KCTD8: variants seen among roughly 807,000 people sequenced by gnomAD.
KCTD8 encodes potassium channel tetramerization domain containing 8.
A neutral mutation model predicts 31.5 loss-of-function variants in KCTD8; 27 were observed. That is an observed-to-expected ratio of 0.86 (90% CI 0.63 to 1.18). KCTD8 has a LOEUF of 1.18. Among genes scored for constraint, KCTD8 ranks in the 50% most tolerant of loss-of-function variants. The probability of loss-of-function intolerance (pLI) is 0.00; values close to 1 mark genes in which losing one functional copy is unlikely to be tolerated. For synonymous variants in KCTD8, 290 were observed against 280.0 expected, an observed-to-expected ratio of 1.04 and a Z score of -0.36; for missense variants, 658 against 647.7, an observed-to-expected ratio of 1.02 and a Z score of -0.17.
intron 1 of KCTD8, among the ~76,000 whole-genome samples, chr4:44,411,377 CAAAA>C (rs781705203): frequency 3.9e-5 from 2 of 50,724 alleles, no homozygotes; most frequent in East Asian, 6.4e-4. Context: ...GAGCCTGTCT[CAAAA>C]AAAAAAAAAA....
chr4:44,329,094 A>G (rs548587500), intron 1 of KCTD8, among the ~76,000 whole-genome samples: 38 of 151,868 alleles, frequency 2.5e-4, no homozygotes, highest in Non-Finnish European at 4.0e-4. Context: ...ATTACATCAA[A>G]GAAGTAAATA....
chr4:44,267,422 A>C (rs1346833008), intron 1 of KCTD8, among the ~76,000 whole-genome samples: 1 of 152,178 alleles, frequency 6.6e-6, no homozygotes, highest in Non-Finnish European at 1.5e-5. Flanking sequence ...TATAGCACTA[A>C]ATGCCCACAA....
intron 1 of KCTD8, among the ~76,000 whole-genome samples, chr4:44,351,774 G>C (rs996044227): frequency 6.6e-6 from 1 of 151,970 alleles, no homozygotes; most frequent in African/African-American, 2.4e-5. Flanking sequence ...TCCCTGCCTA[G>C]AACACTGCTG....
At chr4:44,387,176 A>G (rs761970368) in intron 1 of KCTD8, among the ~76,000 whole-genome samples, 26 of 151,778 alleles carry the variant, frequency 1.7e-4, no homozygotes, top group Non-Finnish European at 2.9e-4. Context: ...GGGAGGTGAA[A>G]GATCTCTACA....
At chr4:44,181,686 G>A (rs1003208126) in intron 1 of KCTD8, among the ~76,000 whole-genome samples, 1 of 152,150 alleles carries the variant, frequency 6.6e-6, no homozygotes, top group Non-Finnish European at 1.5e-5. Context: ...GGGAAGTGAG[G>A]ACCCTCTCTG....
intron 1 of KCTD8, among the ~76,000 whole-genome samples, chr4:44,421,823 T>C (rs1233379358): frequency 1.3e-5 from 2 of 152,094 alleles, no homozygotes; most frequent in African/African-American, 4.8e-5. Context: ...GAGCTACTAT[T>C]GGGAGTAAGC....
chr4:44,373,225 G>A (rs2109437595), intron 1 of KCTD8, among the ~76,000 whole-genome samples: 1 of 152,198 alleles, frequency 6.6e-6, no homozygotes, highest in Non-Finnish European at 1.5e-5. Flanking sequence ...GCCAGGTGTG[G>A]TGGTGCATGC....
chr4:44,446,523 AG>A (rs1281238185), intron 1 of KCTD8, among the ~76,000 whole-genome samples: 1 of 152,038 alleles, frequency 6.6e-6, no homozygotes, highest in Non-Finnish European at 1.5e-5. Context: ...TGCCCACCAC[AG>A]CCCCACCCCA....
At chr4:44,440,948 T>C (rs1205496315) in intron 1 of KCTD8, among the ~76,000 whole-genome samples, 1 of 152,164 alleles carries the variant, frequency 6.6e-6, no homozygotes, top group Non-Finnish European at 1.5e-5. Context: ...ATAAATGATA[T>C]ACACTCAGCA....
At chr4:44,221,347 A>ATG (rs35222595) in intron 1 of KCTD8, among the ~76,000 whole-genome samples, 41,273 of 148,176 alleles carry the variant, frequency 0.28, 5,653 homozygotes, top group South Asian at 0.33. Flanking sequence ...GTGTGTGTGC[A>ATG]TGTGTGTGTG....
intron 1 of KCTD8, among the ~76,000 whole-genome samples, chr4:44,328,780 G>C (rs1337813771): frequency 6.6e-6 from 1 of 151,764 alleles, no homozygotes; most frequent in Non-Finnish European, 1.5e-5. Context: ...AGTAATTTTG[G>C]AAAATCCATT....
chr4:44,332,873 A>T (rs1718626223), intron 1 of KCTD8, among the ~76,000 whole-genome samples: 1 of 151,710 alleles, frequency 6.6e-6, no homozygotes, highest in Admixed American at 6.6e-5. Context: ...CTCAACTCTG[A>T]CTCTGTTGAT....
chr4:44,253,390 C>T (rs1355997589), intron 1 of KCTD8, among the ~76,000 whole-genome samples: 1 of 151,668 alleles, frequency 6.6e-6, no homozygotes, highest in Non-Finnish European at 1.5e-5. Context: ...GCATTTGTCT[C>T]TGGTGGATTA....
At chr4:44,180,723 T>C (rs1300018371) in intron 1 of KCTD8, among the ~76,000 whole-genome samples, 1 of 152,194 alleles carries the variant, frequency 6.6e-6, no homozygotes, top group Non-Finnish European at 1.5e-5. Context: ...GCAAGAACTT[T>C]GTGTTGGTCA....
At chr4:44,436,708 T>C (rs985797070) in intron 1 of KCTD8, among the ~76,000 whole-genome samples, 2 of 152,234 alleles carry the variant, frequency 1.3e-5, no homozygotes, top group Non-Finnish European at 2.9e-5. Flanking sequence ...TTGGTTATTG[T>C]TGAAATTAGG....
At chr4:44,345,998 T>C (rs765676843) in intron 1 of KCTD8, among the ~76,000 whole-genome samples, 2 of 152,108 alleles carry the variant, frequency 1.3e-5, no homozygotes, top group Non-Finnish European at 2.9e-5. Context: ...GTACTAGAGA[T>C]TTCAATCTAG....
intron 1 of KCTD8, among the ~76,000 whole-genome samples, chr4:44,373,771 C>T (rs1298809492): frequency 6.6e-6 from 1 of 152,038 alleles, no homozygotes; most frequent in Non-Finnish European, 1.5e-5. Flanking sequence ...GACTCTCCTT[C>T]TCTTACTTTC....
chr4:44,241,280 A>G (rs950120999), intron 1 of KCTD8, among the ~76,000 whole-genome samples: 2 of 152,268 alleles, frequency 1.3e-5, no homozygotes, highest in East Asian at 3.8e-4. Context: ...GAATATTACA[A>G]TTGTAAAAGA....
intron 1 of KCTD8, among the ~76,000 whole-genome samples, chr4:44,445,065 T>C (rs1191958938): frequency 6.6e-6 from 1 of 152,194 alleles, no homozygotes; most frequent in Non-Finnish European, 1.5e-5. Context: ...ACACCGATAA[T>C]CTTTTTAAAT....
Sources: allele counts gnomAD v4.1 joint callset (sites outside exome capture counted in the v4.1 genomes callset), GRCh38; gene constraint gnomAD v4.1.1; transcripts MANE v1.5; gene names NCBI Gene and HGNC (gene_info 2026-07-23, HGNC 2026-07-21).